Variants in PEAK1 observed in about 807,000 individuals in gnomAD.
PEAK1 encodes inactive tyrosine-protein kinase PEAK1.
A neutral mutation model predicts 124.7 loss-of-function variants in PEAK1; 54 were observed. The observed-to-expected ratio is 0.43, with a 90% CI of 0.35 to 0.54. The LOEUF (loss-of-function observed/expected upper bound fraction) is 0.54, where lower values mean the gene tolerates loss of function less well. PEAK1 is among the 20% of genes least tolerant of loss of function. The pLI is 0.01. For synonymous variants in PEAK1, 719 were observed against 760.0 expected (o/e 0.95, Z 0.89); for missense variants, 2,046 against 2,134.5 (o/e 0.96, Z 0.82).
chr15:77,135,692 A>G (rs1238510540), intron 8 of PEAK1, among the ~76,000 whole-genome samples: 4 of 152,204 alleles, frequency 2.6e-5, no homozygotes, highest in African/African-American at 9.7e-5. Context: ...GATAGAGAAT[A>G]AGTCTCATGA....
chr15:77,226,332 T>C (rs1019960409), intron 6 of PEAK1, among the ~76,000 whole-genome samples: 7 of 151,108 alleles, frequency 4.6e-5, no homozygotes, highest in African/African-American at 1.7e-4. Context: ...CATAAACATA[T>C]AAAGATGAAG....
At chr15:77,248,393 C>T (rs549337218) in intron 6 of PEAK1, among the ~76,000 whole-genome samples, 1 of 152,266 alleles carries the variant, frequency 6.6e-6, no homozygotes, top group South Asian at 2.1e-4. Flanking sequence ...ATCCGTATTC[C>T]GTTGAATGAA....
intron 7 of PEAK1, among the ~76,000 whole-genome samples, chr15:77,166,532 C>G (rs1419178720): frequency 6.6e-6 from 1 of 152,052 alleles, no homozygotes; most frequent in Admixed American, 6.6e-5. Context: ...TTGTGACAAC[C>G]AAAAAAGTCT....
At chr15:77,330,759 TCCCTTGGTGCAC>T (rs1160819240) in intron 2 of PEAK1, among the ~76,000 whole-genome samples, 1 of 152,202 alleles carries the variant, frequency 6.6e-6, no homozygotes, top group African/African-American at 2.4e-5. Context: ...TCCCTTTCCC[TCCCTTGGTGCAC>T]CTTATCACCC....
intron 2 of PEAK1, among the ~76,000 whole-genome samples, chr15:77,296,726 T>C (rs1413706897): frequency 6.6e-6 from 1 of 151,822 alleles, no homozygotes; most frequent in Non-Finnish European, 1.5e-5. Context: ...AGGACGAGTT[T>C]ATCCTAGGGC....
intron 6 of PEAK1, among the ~76,000 whole-genome samples, chr15:77,222,639 T>A (rs1236126575): frequency 2.0e-5 from 3 of 151,902 alleles, no homozygotes; most frequent in African/African-American, 7.2e-5. Flanking sequence ...GTCTTGGTGA[T>A]TGATTTTTCT....
chr15:77,262,838 A>G (rs2061513454), intron 5 of PEAK1, among the ~76,000 whole-genome samples: 1 of 152,146 alleles, frequency 6.6e-6, no homozygotes, highest in Non-Finnish European at 1.5e-5. Context: ...TCCAAAATTG[A>G]CCACATAGTT....
intron 7 of PEAK1, among the ~76,000 whole-genome samples, chr15:77,166,384 T>C (rs1339281897): frequency 7.9e-5 from 12 of 152,264 alleles, no homozygotes; most frequent in Admixed American, 7.2e-4. Flanking sequence ...TTTTAAGCCA[T>C]GCTTATCAAA....
chr15:77,155,602 C>T (rs140973909), intron 8 of PEAK1: 5,064 of 152,206 alleles, frequency 0.033, 280 homozygotes, highest in African/African-American at 0.11. Context: ...GTTTTTTCCC[C>T]ATCTTTGTGG....
intron 8 of PEAK1, chr15:77,156,329 C>G (rs769539305): frequency 1.3e-5 from 2 of 152,394 alleles, no homozygotes; most frequent in Non-Finnish European, 2.9e-5. Flanking sequence ...TCCTGGTGTG[C>G]CGTTTTTTAA....
intron 5 of PEAK1, among the ~76,000 whole-genome samples, chr15:77,280,212 T>TC (rs1257480126): frequency 1.3e-5 from 2 of 151,912 alleles, no homozygotes; most frequent in East Asian, 3.9e-4. Context: ...ATGGAGGCAG[T>TC]CATCTATAAT....
intron 7 of PEAK1, among the ~76,000 whole-genome samples, chr15:77,160,377 T>C (rs1459160966): frequency 6.6e-6 from 1 of 152,178 alleles, no homozygotes; most frequent in Non-Finnish European, 1.5e-5. Flanking sequence ...ATAAAGTCCC[T>C]TAAAAATATC....
At chr15:77,323,569 C>T (rs1283186474) in intron 2 of PEAK1, among the ~76,000 whole-genome samples, 6 of 152,132 alleles carry the variant, frequency 3.9e-5, no homozygotes, top group Admixed American at 1.3e-4. Flanking sequence ...AGGAATCCAA[C>T]GTACAAGGGA....
At chr15:77,336,637 A>G in intron 2 of PEAK1, 1 of 605,914 alleles carries the variant, frequency 1.7e-6, no homozygotes, top group Non-Finnish European at 2.1e-6. Flanking sequence ...TTAATAATGG[A>G]CATCCAACAA....
intron 5 of PEAK1, among the ~76,000 whole-genome samples, chr15:77,282,470 T>G (rs2062722979): frequency 6.6e-6 from 1 of 152,180 alleles, no homozygotes; most frequent in South Asian, 2.1e-4. Context: ...CTTTGTGTAT[T>G]AAAACCATGC....
Position 77,111,468 on chromosome 15 carries a change from T to C in PEAK1, c.*2688A>G, listed in dbSNP as rs2050971554. On this transcript the variant is annotated 3_prime_UTR_variant, in exon 10 of 10. Coordinates refer to ENST00000682557, the MANE Select transcript of PEAK1 (RefSeq NM_001385026.1). ...CCTGTAACACCCCCTTCCCTCTCTATCTCACATTCTTTGGCCATCACCCAG... is the reference window on the plus strand; with the variant it reads ...CCTGTAACACCCCCTTCCCTCTCTACCTCACATTCTTTGGCCATCACCCAG... 2 of 152,232 alleles carry C rather than the reference T, an allele frequency of 1.3e-5. No homozygotes were observed. The highest frequency in any genetic ancestry group is 4.8e-5 in the African/African-American group (2 of 41,450). The allele number at this position is 152,232 out of a possible 1,614,324, so 9.4% of individuals were successfully genotyped here. A position where few individuals can be genotyped will look rare whatever the true frequency, so the allele number is the denominator to read the frequency against.
chr15:77,338,533 C>A (rs973071457), intron 2 of PEAK1, among the ~76,000 whole-genome samples: 5 of 151,944 alleles, frequency 3.3e-5, no homozygotes, highest in Non-Finnish European at 7.4e-5. Flanking sequence ...ACAATAGCTT[C>A]TGTTGAGTAT....
At chr15:77,242,690 C>T (rs971284862) in intron 6 of PEAK1, among the ~76,000 whole-genome samples, 1 of 152,050 alleles carries the variant, frequency 6.6e-6, no homozygotes, top group Non-Finnish European at 1.5e-5. Flanking sequence ...GCAGTAGTTG[C>T]AGGTATGGTT....
At chr15:77,218,550 G>A (rs778170381) in intron 6 of PEAK1, among the ~76,000 whole-genome samples, 30 of 151,742 alleles carry the variant, frequency 2.0e-4, no homozygotes, top group Non-Finnish European at 4.0e-4. Context: ...TTTTCATGAG[G>A]AACGTTGGTC....
Sources: gnomAD v4.1 joint callset for allele counts (sites outside exome capture counted in the v4.1 genomes callset) on GRCh38, gnomAD v4.1.1 for gene constraint, MANE v1.5 for transcripts, NCBI Gene and HGNC (gene_info 2026-07-23, HGNC 2026-07-21) for gene names.